The following EVX1 variants were observed in gnomAD, a reference collection of about 807,000 sequenced individuals.
EVX1 encodes the protein even-skipped homeobox 1, also known as homeobox even-skipped homolog protein 1.
Under a neutral mutation model 28.6 loss-of-function variants are expected in EVX1, and 19 were observed. The ratio of observed to expected loss-of-function variants is 0.67; its 90% CI spans 0.46 to 0.98. The LOEUF is 0.98. Ranked by LOEUF, EVX1 falls within the 50% of genes least tolerant of loss-of-function variation. The probability of loss-of-function intolerance (pLI) is 0.00; values close to 1 mark genes in which losing one functional copy is unlikely to be tolerated. For missense variants in EVX1, 660 were observed against 583.0 expected (o/e 1.13, Z -1.36); for synonymous variants, 324 against 278.2 (o/e 1.16, Z -1.64).
chr7:27,245,839 C>T (rs1783156622), intron 2 of EVX1, 47 bp from the exon 3 acceptor site: 1 of 1,585,230 alleles, frequency 6.3e-7, no homozygotes, highest in African/African-American at 1.3e-5. Context: ...GGCCTCTGAG[C>T]ATCGGGCCAA....
chr7:27,243,660 CTT>C, intron 1 of EVX1: 1 of 570,230 alleles, frequency 1.8e-6, no homozygotes. Flanking sequence ...ACAGCAGTGC[CTT>C]GAGTGCGGGG....
Position 27,247,502 on chromosome 7 carries a change from A to G in EVX1, c.*1077A>G, listed in dbSNP as rs1198272486. The G allele has an allele frequency of 6.6e-6, 1 of 151,750 alleles. No homozygotes were observed. Among genetic ancestry groups the G allele is most frequent in the African/African-American group, 2.4e-5 (1 of 41,254 alleles). 9.4% of individuals were successfully genotyped at this position (151,750 alleles called of 1,614,324 possible). ...ATTGGGTATTTTACAACTTTCTCTC[A>G]TTTTCTTCCCAAGCTACCACTGGAG... On this transcript the variant is annotated 3_prime_UTR_variant, in exon 3 of 3. Transcript: ENST00000496902.
At position 27,243,477 on chromosome 7, in the gene EVX1, G is replaced by C; in HGVS notation, c.427+20G>C. 6.4e-7 allele frequency: 1 copy of C among 1,552,928 alleles called. No individual in the cohort carries two copies. The highest frequency in any genetic ancestry group is 1.2e-5 in the South Asian group (1 of 81,612). On this transcript the variant is annotated intron_variant, in intron 1 of 2. Coordinates refer to ENST00000496902, the MANE Select transcript of EVX1 (RefSeq NM_001989.5). ...GCAAAGGTAGCCACCGTGCCCCTCC[G>C]CTCCCCGGGCCTCCCACTGCGCCCA...
Position 27,245,986 on chromosome 7 carries a change from A to C in EVX1, c.785A>C (p.His262Pro). ...GCCTTCTACACTTACATGATGAGCCATGCGGCGGCCGCGGGCGGCCTGCCC... is the reference window on the plus strand; with the variant it reads ...GCCTTCTACACTTACATGATGAGCCCTGCGGCGGCCGCGGGCGGCCTGCCC... ...DPAFYTYMMS[H>P]AAAAGGLPYP... The change falls in exon 3 of 3, where the codon CAT becomes CCT. Residue 262 changes from histidine (H) to proline (P), a missense_variant. Physicochemically the swap from His to Pro is moderately conservative, Grantham distance 77. This residue lies in a region of EVX1 where 299 missense variants were observed against 241.3 expected (regional missense o/e 1.24). Coordinates refer to ENST00000496902, the MANE Select transcript of EVX1 (RefSeq NM_001989.5). The C allele has an allele frequency of 1.2e-6, 2 of 1,604,502 alleles. No homozygotes were observed. The highest frequency in any genetic ancestry group is 1.7e-6 in the Non-Finnish European group (2 of 1,179,742).
chr7:27,244,512 T>C (rs1232778030), intron 1 of EVX1: 2 of 989,416 alleles, frequency 2.0e-6, no homozygotes, highest in African/African-American at 1.7e-5. Context: ...CACTCACATA[T>C]ACTAAGGTAA....
intron 1 of EVX1, chr7:27,244,646 G>A: frequency 5.9e-6 from 2 of 337,748 alleles, no homozygotes; most frequent in South Asian, 7.8e-5. Context: ...TGAATGCCCA[G>A]CATACTACAA....
rs1186671275 is a variant in EVX1, at chr7:27,246,566, CG to C, written c.*144del. The C allele has an allele frequency of 2.3e-6, 2 of 884,196 alleles. No individual in the cohort carries two copies. The highest frequency in any genetic ancestry group is 3.3e-6 in the Non-Finnish European group (2 of 601,360). 54.8% of individuals were successfully genotyped at this position (884,196 alleles called of 1,614,324 possible). A position where few individuals can be genotyped will look rare whatever the true frequency, so the allele number is the denominator to read the frequency against. ...AAAGGAGAGGGCGGAAAAGGACCAG[CG>C]GGATCCGGCCGCAAGAATTGGAAAG... On this transcript the variant is annotated 3_prime_UTR_variant, in exon 3 of 3. Transcript: ENST00000496902.
rs750665807 is a variant in EVX1, at chr7:27,245,976, A to G, written c.775A>G (p.Met259Val). Reference sequence around the variant, plus strand: ...GGCGGACCCCGCCTTCTACACTTACATGATGAGCCATGCGGCGGCCGCGGG... The same window carrying G: ...GGCGGACCCCGCCTTCTACACTTACGTGATGAGCCATGCGGCGGCCGCGGG... ...HPADPAFYTY[M>V]MSHAAAAGGL... Residue 259 changes from methionine (M) to valine (V), a missense_variant, in exon 3 of 3, where the codon ATG (methionine) becomes GTG (valine). Met to Val is a conservative substitution (Grantham distance 21). Coordinates refer to ENST00000496902, the MANE Select transcript of EVX1 (RefSeq NM_001989.5). The G allele has an allele frequency of 6.2e-7, 1 of 1,605,820 alleles. No homozygotes were observed. Among genetic ancestry groups the G allele is most frequent in the African/African-American group, 1.3e-5 (1 of 74,906 alleles).
rs756187709 is a variant in EVX1, at chr7:27,246,415, T to C, written c.1214T>C (p.Leu405Pro). 3 of 1,597,232 alleles carry C rather than the reference T, an allele frequency of 1.9e-6. No homozygotes were observed. The highest frequency in any genetic ancestry group is 4.5e-5 in the East Asian group (2 of 43,984). Reference sequence around the variant, plus strand: ...CTGGACCAGAGGGAGGAGGTGCCCCTCACTAGATAAGGGGCCGCCGGCTGG... The same window carrying C: ...CTGGACCAGAGGGAGGAGGTGCCCCCCACTAGATAAGGGGCCGCCGGCTGG... ...VALDQREEVP[L>P]TR Residue 405 changes from leucine (L) to proline (P), a missense_variant, in exon 3 of 3, where the codon CTC becomes CCC. This residue lies in a region of EVX1 where 299 missense variants were observed against 241.3 expected (regional missense o/e 1.24). Transcript: ENST00000496902.
chr7:27,243,446 A>G lies in EVX1; in HGVS notation c.416A>G (p.Gln139Arg). The G allele has an allele frequency of 6.2e-7, 1 of 1,600,232 alleles. No homozygotes were observed. The highest frequency in any genetic ancestry group is 8.5e-7 in the Non-Finnish European group (1 of 1,174,154). Residue 139 changes from glutamine (Q) to arginine (R), a missense_variant, in exon 1 of 3, where the codon CAG (glutamine) becomes CGG (arginine). By Grantham distance (43) the Gln-to-Arg change is conservative. Transcript: ENST00000496902. ...PDCATGNAEY[Q>R]HSKGSGSEAL... ...TGCGCCACCGGGAACGCCGAGTACC[A>G]GCACAGCAAAGGTAGCCACCGTGCC...
In EVX1 at chr7:27,245,926, G is replaced by C; in HGVS notation, c.725G>C (p.Arg242Pro). 1 of 1,611,678 alleles carries C rather than the reference G, an allele frequency of 6.2e-7. No homozygotes were observed. Among genetic ancestry groups the C allele is most frequent in the Non-Finnish European group, 8.5e-7 (1 of 1,179,870 alleles). ...QNRRMKDKRQ[R>P]LAMTWPHPAD... ...CGGCGCATGAAGGACAAGCGGCAGCGCCTGGCCATGACGTGGCCGCACCCG... is the reference window on the plus strand; with the variant it reads ...CGGCGCATGAAGGACAAGCGGCAGCCCCTGGCCATGACGTGGCCGCACCCG... Residue 242 changes from arginine to proline, a missense_variant, in exon 3 of 3, where the codon CGC (arginine) becomes CCC (proline). Arg to Pro is a moderately radical substitution (Grantham distance 103). Coordinates refer to ENST00000496902, the MANE Select transcript of EVX1 (RefSeq NM_001989.5).
At position 27,246,189 on chromosome 7, in the gene EVX1, C is replaced by T; in HGVS notation, c.988C>T (p.Pro330Ser). ...ACTGCTGTGCGCCTTCCGCCACCCG[C>T]CGCTCTACCCCGGGCCCGCGCACGG... is the stretch of plus-strand genomic sequence containing the variant. ...PELLCAFRHP[P>S]LYPGPAHGLG... The change falls in exon 3 of 3, where the codon CCG becomes TCG. Residue 330 changes from proline (P) to serine (S), a missense_variant. By Grantham distance (74) the Pro-to-Ser change is moderately conservative. Coordinates refer to ENST00000496902, the MANE Select transcript of EVX1 (RefSeq NM_001989.5). 6.7e-7 allele frequency: 1 copy of T among 1,490,892 alleles called. No homozygotes were observed. The highest frequency in any genetic ancestry group is 8.8e-7 in the Non-Finnish European group (1 of 1,130,488). 92.4% of individuals were successfully genotyped at this position (1,490,892 alleles called of 1,614,324 possible).
In EVX1 at chr7:27,246,531, G is replaced by A; in HGVS notation, c.*106G>A. On this transcript the variant is annotated 3_prime_UTR_variant, in exon 3 of 3. Transcript: ENST00000496902. ...GCTCCTCGCTCCTCGCCCCTAGGAC[G>A]CCAAGGGGGAAAGGAGAGGGCGGAA... 4 of 1,173,514 alleles carry A rather than the reference G, an allele frequency of 3.4e-6. No homozygotes were observed. The South Asian group carries it at 5.6e-5, about 17-fold the overall frequency. 72.7% of individuals were successfully genotyped at this position (1,173,514 alleles called of 1,614,324 possible). A position where few individuals can be genotyped will look rare whatever the true frequency, so the allele number is the denominator to read the frequency against.
At position 27,246,240 on chromosome 7, in the gene EVX1, T is replaced by C; in HGVS notation, c.1039T>C (p.Cys347Arg). 6.5e-7 allele frequency: 1 copy of C among 1,533,816 alleles called. No homozygotes were observed. Among genetic ancestry groups the C allele is most frequent in the Non-Finnish European group, 8.7e-7 (1 of 1,148,448 alleles). The change falls in exon 3 of 3, where the codon TGC (cysteine) becomes CGC (arginine). Residue 347 changes from cysteine to arginine, a missense_variant. This residue lies in a region of EVX1 where 299 missense variants were observed against 241.3 expected (regional missense o/e 1.24). Coordinates refer to ENST00000496902, the MANE Select transcript of EVX1 (RefSeq NM_001989.5). ...HGLGASAGGP[C>R]SCLACHSGPA... ...ACTGGGCGCCTCTGCCGGCGGCCCC[T>C]GCTCCTGCCTCGCCTGTCACAGCGG...
In EVX1 at chr7:27,246,470, C is replaced by A. The variant is rs762199021; in HGVS notation, c.*45C>A. On this transcript the variant is annotated 3_prime_UTR_variant, in exon 3 of 3. Transcript: ENST00000496902. The stretch of plus-strand genomic sequence containing the variant: ...CGGCTCCATGACGCCCGTGGGGTCA[C>A]CCCCCGGCCCCGGGACTCAGCCAGC... The A allele has an allele frequency of 3.0e-5, 46 of 1,528,822 alleles. No individual in the cohort carries two copies. Among genetic ancestry groups the A allele is most frequent in the Admixed American group, 9.5e-5 (5 of 52,466 alleles). The allele number at this position is 1,528,822 out of a possible 1,614,324, so 94.7% of individuals were successfully genotyped here. A position where few individuals can be genotyped will look rare whatever the true frequency, so the allele number is the denominator to read the frequency against.
Position 27,246,431 on chromosome 7 carries a change from C to T in EVX1, c.*6C>T, listed in dbSNP as rs200161279. 2.0e-4 allele frequency: 317 copies of T among 1,588,602 alleles called. 1 individual carries two copies. In the African/African-American group the frequency reaches 4.0e-3, roughly 20 times the overall value. On this transcript the variant is annotated 3_prime_UTR_variant, in exon 3 of 3. Transcript: ENST00000496902. ...AGGTGCCCCTCACTAGATAAGGGGC[C>T]GCCGGCTGGCTGCCGGCTCCATGAC...
At chr7:27,245,765 G>A in intron 2 of EVX1, 121 bp from the exon 3 acceptor site, 1 of 1,370,992 alleles carries the variant, frequency 7.3e-7, no homozygotes, top group Non-Finnish European at 9.7e-7. Flanking sequence ...TCTCTACCCG[G>A]CTGGTGTCTG....
Position 27,242,929 on chromosome 7 carries a change from T to C in EVX1, c.-102T>C. 5 of 1,293,230 alleles carry C rather than the reference T, an allele frequency of 3.9e-6. No individual in the cohort carries two copies. Among genetic ancestry groups the C allele is most frequent in the Non-Finnish European group, 5.1e-6 (5 of 977,090 alleles). The allele number at this position is 1,293,230 out of a possible 1,614,324, so 80.1% of individuals were successfully genotyped here. A position where few individuals can be genotyped will look rare whatever the true frequency, so the allele number is the denominator to read the frequency against. The stretch of plus-strand genomic sequence containing the variant: ...CCCTCCCAGGCACCCGGCCTTTCTT[T>C]CTCCCTCTTGCAACCAAGATCCGTC... On this transcript the variant is annotated 5_prime_UTR_variant, in exon 1 of 3. Coordinates refer to ENST00000496902, the MANE Select transcript of EVX1 (RefSeq NM_001989.5).
In EVX1 at chr7:27,246,687, C is replaced by A; in HGVS notation, c.*262C>A. 2.0e-6 allele frequency: 1 copy of A among 500,580 alleles called. No homozygotes were observed. The highest frequency in any genetic ancestry group is 3.5e-6 in the Non-Finnish European group (1 of 287,678). The allele number at this position is 500,580 out of a possible 1,614,324, so 31.0% of individuals were successfully genotyped here. A position where few individuals can be genotyped will look rare whatever the true frequency, so the allele number is the denominator to read the frequency against. ...CCTTCCTCCGGGGCAGCCTCCGGACCCACCGCCCCCCACCAGGGTCGAGGC... is the reference window on the plus strand; with the variant it reads ...CCTTCCTCCGGGGCAGCCTCCGGACACACCGCCCCCCACCAGGGTCGAGGC... On this transcript the variant is annotated 3_prime_UTR_variant, in exon 3 of 3. Transcript: ENST00000496902.
Sources: gnomAD v4.1 joint callset for allele counts on GRCh38, gnomAD v4.1.1 for gene constraint, gnomAD v4.1.1 regional missense constraint, MANE v1.5 for transcripts, NCBI Gene and HGNC (gene_info 2026-07-23, HGNC 2026-07-21) for gene names.